The following SLC30A9 variants were observed in gnomAD, a reference collection of about 807,000 sequenced individuals.
SLC30A9 encodes solute carrier family 30 member 9, also known as proton-coupled zinc antiporter SLC30A9, mitochondrial.
SLC30A9 carries 58 observed loss-of-function variants against 87.5 expected under a neutral mutation model. The observed-to-expected ratio is 0.66, with a 90% CI of 0.54 to 0.82. SLC30A9 has a LOEUF of 0.82. Ranked by LOEUF, SLC30A9 falls within the 40% of genes least tolerant of loss-of-function variation. The probability of loss-of-function intolerance (pLI) is 0.00; values close to 1 mark genes in which losing one functional copy is unlikely to be tolerated. For synonymous variants in SLC30A9, 234 were observed against 233.0 expected (o/e 1.00, Z -0.04); for missense variants, 557 against 679.1 (o/e 0.82, Z 2.00).
intron 7 of SLC30A9, among the ~76,000 whole-genome samples, chr4:42,037,106 G>A (rs1716705814): frequency 6.6e-6 from 1 of 151,986 alleles, no homozygotes; most frequent in African/African-American, 2.4e-5. Flanking sequence ...TGGGACATTA[G>A]GATAAAACTA....
intron 3 of SLC30A9, among the ~76,000 whole-genome samples, chr4:42,019,568 A>C (rs530345646): frequency 1.6e-4 from 25 of 152,236 alleles, no homozygotes; most frequent in African/African-American, 5.5e-4. Context: ...ACATTATGTG[A>C]AATGGTCTAG....
At chr4:42,064,224 A>G (rs1717989391) in intron 11 of SLC30A9, among the ~76,000 whole-genome samples, 1 of 152,146 alleles carries the variant, frequency 6.6e-6, no homozygotes, top group Non-Finnish European at 1.5e-5. Flanking sequence ...TGTGGTCTAG[A>G]GGATGTGGAG....
chr4:42,011,080 A>ACT (rs1715421180), intron 2 of SLC30A9, among the ~76,000 whole-genome samples: 1 of 152,140 alleles, frequency 6.6e-6, no homozygotes, highest in African/African-American at 2.4e-5. Context: ...AGACCAGTGT[A>ACT]CTAGTCCATT....
At chr4:42,051,314 C>G (rs1468820178) in intron 9 of SLC30A9, among the ~76,000 whole-genome samples, 1 of 152,158 alleles carries the variant, frequency 6.6e-6, no homozygotes, top group Non-Finnish European at 1.5e-5. Context: ...GCCTCACATT[C>G]TTTAATAAAG....
rs990242952 is a variant in SLC30A9 at position 42,039,779 on chromosome 4, C to T, written c.737+726C>T. Among the ~76,000 whole-genome samples, 7 of 152,002 alleles carry T rather than the reference C, an allele frequency of 4.6e-5. No homozygotes were observed. In the East Asian group the frequency reaches 1.3e-3, roughly 29 times the overall value. ...CCCGGCCTTGCCTTCCCCTTTTTCC[C>T]TCTATCTTCTTGATTCCTATTGTTT... On this transcript the variant is annotated intron_variant, in intron 8 of 17. Coordinates refer to ENST00000264451, the MANE Select transcript of SLC30A9 (RefSeq NM_006345.4).
At chr4:42,070,349 G>C (rs1718260061) in intron 14 of SLC30A9, 177 bp from the exon 15 acceptor site, 2 of 502,856 alleles carry the variant, frequency 4.0e-6, no homozygotes, top group African/African-American at 1.9e-5. Flanking sequence ...GCAAGTTGTA[G>C]CATCCTCATT....
At chr4:42,072,782 C>T (rs771002367) in intron 15 of SLC30A9, among the ~76,000 whole-genome samples, 13 of 148,864 alleles carry the variant, frequency 8.7e-5, no homozygotes, top group Admixed American at 1.3e-4. Flanking sequence ...TTCAATTTCC[C>T]TAATTATCTT....
intron 17 of SLC30A9, among the ~76,000 whole-genome samples, chr4:42,080,650 T>C (rs1183066814): frequency 6.6e-6 from 1 of 152,222 alleles, no homozygotes; most frequent in Non-Finnish European, 1.5e-5. Flanking sequence ...GCCCCCATCA[T>C]ATATCACATT....
At chr4:42,046,454 C>G (rs1210044124) in intron 8 of SLC30A9, among the ~76,000 whole-genome samples, 5 of 151,744 alleles carry the variant, frequency 3.3e-5, no homozygotes. Flanking sequence ...GACAAACAGC[C>G]AAATCATGAG....
At chr4:42,079,833 G>T (rs755708903) in intron 17 of SLC30A9, among the ~76,000 whole-genome samples, 1 of 151,944 alleles carries the variant, frequency 6.6e-6, no homozygotes, top group East Asian at 1.9e-4. Flanking sequence ...GGCCAGGCTG[G>T]TCTTGAACTC....
chr4:42,012,158 CTT>C lies in SLC30A9; in HGVS notation c.275-5951_275-5950del, dbSNP rs1196325720. On this transcript the variant is annotated intron_variant, in intron 2 of 17. Transcript: ENST00000264451. Reference sequence around the variant, plus strand: ...AATAAAAAGAAATCTACCCCTGACACTTTGTAGAGACACCACAGATTTAAAAA... The same window carrying C: ...AATAAAAAGAAATCTACCCCTGACACTGTAGAGACACCACAGATTTAAAAA... Among the ~76,000 whole-genome samples, 7 of 152,236 alleles carry C rather than the reference CTT, an allele frequency of 4.6e-5. No individual in the cohort carries two copies. In the East Asian group the frequency reaches 1.4e-3, roughly 29 times the overall value.
Position 42,049,423 on chromosome 4 carries a change from G to A in SLC30A9, c.784G>A (p.Gly262Ser). 2.5e-6 allele frequency: 4 copies of A among 1,611,464 alleles called. No homozygotes were observed. The highest frequency in any genetic ancestry group is 1.1e-5 in the South Asian group (1 of 90,736). ...FFKFLAWIYT[G>S]SASMFSEAIH... ...TAAATTTCTTGCCTGGATTTATACC[G>A]GTTCAGCAAGTATGTTCTCAGAAGC... The change falls in exon 9 of 18, where the codon GGT (glycine) becomes AGT (serine). Residue 262 changes from glycine (G) to serine (S), a missense_variant. Around this residue, in one of 2 missense-constraint regions of SLC30A9, gnomAD observed 467 missense variants for 529.8 expected, o/e 0.88. Transcript: ENST00000264451.
At chr4:42,082,111 G>A (rs909036639) in intron 17 of SLC30A9, among the ~76,000 whole-genome samples, 3 of 151,944 alleles carry the variant, frequency 2.0e-5, no homozygotes, top group Non-Finnish European at 4.4e-5. Context: ...CAGCTACTCC[G>A]GAGGCTGAGG....
intron 2 of SLC30A9, among the ~76,000 whole-genome samples, chr4:42,013,750 G>A (rs557195675): frequency 1.3e-5 from 2 of 152,268 alleles, no homozygotes; most frequent in Non-Finnish European, 2.9e-5. Flanking sequence ...AAATCAAAAT[G>A]GAGTAAAGAC....
At chr4:42,004,664 C>CTTTTTTTTTTTTTTTTTTTT (rs71198699) in intron 2 of SLC30A9, among the ~76,000 whole-genome samples, 2 of 128,330 alleles carry the variant, frequency 1.6e-5, no homozygotes, top group Non-Finnish European at 3.2e-5. Flanking sequence ...TTTTCTTTTT[C>CTTTTTTTTTTTTTTTTTTTT]TTTTTTTTTT....
chr4:42,030,351 G>T (rs1716372812), intron 6 of SLC30A9, among the ~76,000 whole-genome samples: 1 of 152,128 alleles, frequency 6.6e-6, no homozygotes, highest in African/African-American at 2.4e-5. Context: ...GAAAAATTGA[G>T]CCTTGGGATG....
chr4:42,019,160 G>T (rs367600945), intron 3 of SLC30A9, among the ~76,000 whole-genome samples: 25 of 152,142 alleles, frequency 1.6e-4, no homozygotes, highest in African/African-American at 5.3e-4. Context: ...GGCTGAATTT[G>T]CTCTTTCAAC....
Position 42,009,340 on chromosome 4 carries a change from A to T in SLC30A9, c.274+7560A>T, listed in dbSNP as rs141743134. Among the ~76,000 whole-genome samples, 797 of 152,382 alleles carry T rather than the reference A, an allele frequency of 5.2e-3. 3 individuals carry two copies. Among genetic ancestry groups the T allele is most frequent in the African/African-American group, 0.018 (741 of 41,590 alleles). On this transcript the variant is annotated intron_variant, in intron 2 of 17. Coordinates refer to ENST00000264451, the MANE Select transcript of SLC30A9 (RefSeq NM_006345.4). ...ATTGAAAGATAATTTGTATATTTAAAGATTTGAGATTGAGTTTTGAATAAT... is the reference window on the plus strand; with the variant it reads ...ATTGAAAGATAATTTGTATATTTAATGATTTGAGATTGAGTTTTGAATAAT...
chr4:42,051,969 CAG>C (rs1405306740), intron 9 of SLC30A9, among the ~76,000 whole-genome samples: 9 of 150,010 alleles, frequency 6.0e-5, no homozygotes, highest in Non-Finnish European at 1.2e-4. Context: ...AAAATATAAT[CAG>C]ATTTTATTAT....
Sources: gnomAD v4.1 joint callset for allele counts (sites outside exome capture counted in the v4.1 genomes callset) on GRCh38, gnomAD v4.1.1 for gene constraint, gnomAD v4.1.1 regional missense constraint, MANE v1.5 for transcripts, NCBI Gene and HGNC (gene_info 2026-07-23, HGNC 2026-07-21) for gene names.